Variants in TENM2 observed in about 807,000 individuals in gnomAD.
The protein encoded by TENM2 is teneurin transmembrane protein 2.
Under a neutral mutation model 245.2 loss-of-function variants are expected in TENM2, and 52 were observed. The observed-to-expected ratio is 0.21, with a 90% CI of 0.17 to 0.27. The LOEUF is 0.27. TENM2 is among the 10% of genes least tolerant of loss of function. The pLI, the probability that TENM2 is intolerant of heterozygous loss-of-function variation, is 1.00. For synonymous variants in TENM2, 1,363 were observed against 1,438.9 expected (o/e 0.95, Z 1.19); for missense variants, 3,046 against 3,666.8 (o/e 0.83, Z 4.37).
At chr5:167,505,450 A>C (rs1432880) in intron 2 of TENM2, among the ~76,000 whole-genome samples, 82,539 of 152,002 alleles carry the variant, frequency 0.54, 23,085 homozygotes, top group South Asian at 0.66. Context: ...CAGAGACCTT[A>C]GTAAAAAGAA....
At chr5:167,609,704 C>T (rs1777342351) in intron 2 of TENM2, among the ~76,000 whole-genome samples, 1 of 151,950 alleles carries the variant, frequency 6.6e-6, no homozygotes, top group Admixed American at 6.6e-5. Context: ...ATACTTTATT[C>T]TATCTTTTGT....
intron 2 of TENM2, among the ~76,000 whole-genome samples, chr5:167,741,047 C>G (rs976590055): frequency 6.6e-6 from 1 of 152,198 alleles, no homozygotes. Context: ...ACACTCTTTC[C>G]CTATAGCTGC....
the TENM2 span, among the ~76,000 whole-genome samples, chr5:167,213,979 A>G: frequency 1.3e-5 from 2 of 152,338 alleles, no homozygotes; most frequent in South Asian, 4.1e-4. Context: ...TTATTTGGAC[A>G]GAAGTGGAAT....
At chr5:167,406,283 G>T (rs1352570813) in intron 2 of TENM2, among the ~76,000 whole-genome samples, 1 of 152,148 alleles carries the variant, frequency 6.6e-6, no homozygotes, top group Non-Finnish European at 1.5e-5. Flanking sequence ...ATGGAAATCA[G>T]CTGCTGCTTC....
intron 2 of TENM2, among the ~76,000 whole-genome samples, chr5:167,843,976 CATG>C (rs1769794977): frequency 1.3e-5 from 2 of 152,280 alleles, no homozygotes; most frequent in Admixed American, 1.3e-4. Flanking sequence ...CAGTCAGAAG[CATG>C]CTTTCACTGG....
At chr5:167,478,795 G>T (rs918045623) in intron 2 of TENM2, among the ~76,000 whole-genome samples, 69 of 151,910 alleles carry the variant, frequency 4.5e-4, no homozygotes, top group African/African-American at 1.5e-3. Context: ...ATGACTTCTC[G>T]GTTTTGCATT....
the TENM2 span, among the ~76,000 whole-genome samples, chr5:167,106,934 GAAA>G: frequency 8.6e-5 from 13 of 151,982 alleles, no homozygotes; most frequent in South Asian, 4.2e-4. Flanking sequence ...CAAACAAAAA[GAAA>G]AAGAAGAAGA....
At chr5:167,745,703 G>A (rs142979993) in intron 2 of TENM2, among the ~76,000 whole-genome samples, 7 of 152,086 alleles carry the variant, frequency 4.6e-5, no homozygotes, top group African/African-American at 1.7e-4. Context: ...AGCCAATACT[G>A]ATCTACTTTT....
At chr5:167,152,172 A>G in the TENM2 span, among the ~76,000 whole-genome samples, 1 of 152,196 alleles carries the variant, frequency 6.6e-6, no homozygotes, top group Non-Finnish European at 1.5e-5. Context: ...TGAACCACAC[A>G]TTGTATTTTC....
chr5:167,547,158 T>C (rs1772613344), intron 2 of TENM2, among the ~76,000 whole-genome samples: 1 of 152,214 alleles, frequency 6.6e-6, no homozygotes. Context: ...TGATCTCGGC[T>C]CACTGCAACC....
At chr5:167,332,905 T>G (rs954692732) in intron 1 of TENM2, among the ~76,000 whole-genome samples, 4 of 152,170 alleles carry the variant, frequency 2.6e-5, no homozygotes, top group African/African-American at 9.7e-5. Flanking sequence ...CTATAGAGGT[T>G]ATGGCTGAGT....
At chr5:168,110,124 AACTTGT>A (rs1040860934) in intron 9 of TENM2, among the ~76,000 whole-genome samples, 4 of 151,058 alleles carry the variant, frequency 2.6e-5, no homozygotes, top group African/African-American at 9.8e-5. Flanking sequence ...ACCCTAGGGA[AACTTGT>A]ACATGTGATG....
At chr5:168,216,085 C>T (rs1450813567) in intron 21 of TENM2, among the ~76,000 whole-genome samples, 1 of 152,184 alleles carries the variant, frequency 6.6e-6, no homozygotes, top group Non-Finnish European at 1.5e-5. Flanking sequence ...AGTCCAATTC[C>T]TGTTAGCATT....
chr5:167,509,447 G>A (rs1481990602), intron 2 of TENM2, among the ~76,000 whole-genome samples: 1 of 152,188 alleles, frequency 6.6e-6, no homozygotes, highest in African/African-American at 2.4e-5. Flanking sequence ...TTGCTCTACA[G>A]ATTTATTTCA....
At chr5:168,083,924 C>T (rs2617988) in intron 7 of TENM2, among the ~76,000 whole-genome samples, 5 of 151,830 alleles carry the variant, frequency 3.3e-5, no homozygotes, top group African/African-American at 9.7e-5. Context: ...CCTCCCTCTC[C>T]GCCCTCTCTA....
At chr5:167,499,362 C>A (rs1229842298) in intron 2 of TENM2, among the ~76,000 whole-genome samples, 61 of 152,174 alleles carry the variant, frequency 4.0e-4, no homozygotes, top group Non-Finnish European at 8.8e-5. Flanking sequence ...GGCTATAGCA[C>A]CAGTGCTAAA....
chr5:168,183,871 C>T (rs1026060443), intron 13 of TENM2, among the ~76,000 whole-genome samples: 1 of 152,004 alleles, frequency 6.6e-6, no homozygotes, highest in Non-Finnish European at 1.5e-5. Context: ...AGAAATGACT[C>T]AGAAGCACTT....
intron 1 of TENM2, among the ~76,000 whole-genome samples, chr5:167,370,474 CCT>C (rs1760348816): frequency 1.3e-5 from 2 of 152,108 alleles, no homozygotes; most frequent in South Asian, 4.1e-4. Flanking sequence ...CTTGTGTTCC[CCT>C]CTTTTGATCA....
chr5:167,952,273 A>G (rs925375342), intron 3 of TENM2: 5 of 461,894 alleles, frequency 1.1e-5, no homozygotes, highest in African/African-American at 9.7e-5. Context: ...TCAGCCTTGA[A>G]TGTCATGTTA....
Sources: allele counts gnomAD v4.1 joint callset (sites outside exome capture counted in the v4.1 genomes callset), GRCh38; gene constraint gnomAD v4.1.1; transcripts MANE v1.5; gene names NCBI Gene and HGNC (gene_info 2026-07-23, HGNC 2026-07-21).